Variants in FRYL observed in about 807,000 individuals in gnomAD.
FRYL encodes the protein FRY like transcription coactivator.
FRYL carries 150 observed loss-of-function variants against 351.2 expected under a neutral mutation model. The observed-to-expected ratio is 0.43, with a 90% CI of 0.37 to 0.49. The LOEUF (loss-of-function observed/expected upper bound fraction) is 0.49, where lower values mean the gene tolerates loss of function less well. Among genes scored for constraint, FRYL ranks in the 20% least tolerant of loss-of-function variants. FRYL has a pLI of 0.00. For synonymous variants in FRYL, 1,153 were observed against 1,257.1 expected (o/e 0.92, Z 1.75); for missense variants, 3,036 against 3,619.3 (o/e 0.84, Z 4.13).
chr4:48,499,481 A>C lies in FRYL; in HGVS notation c.8983T>G (p.Ser2995Ala), dbSNP rs1301442767. The change falls in exon 64 of 64, where the codon TCA (serine) becomes GCA (alanine). Residue 2995 changes from serine (S) to alanine (A), a missense_variant. Transcript: ENST00000358350. ...EIRESLRMVQ[S>A]YQLLAQAKPM... ...TTGGCCTGTGCTAGAAGTTGGTATG[A>C]TTGCACCATGCGTAGAGACTCTCTT... The C allele has an allele frequency of 1.9e-6, 3 of 1,613,722 alleles. No individual in the cohort carries two copies. Among genetic ancestry groups the C allele is most frequent in the Non-Finnish European group, 2.5e-6 (3 of 1,179,766 alleles).
chr4:48,759,227 T>C (rs370201798), intron 1 of FRYL, among the ~76,000 whole-genome samples: 1 of 151,852 alleles, frequency 6.6e-6, no homozygotes, highest in Non-Finnish European at 1.5e-5. Context: ...ACTTAAAGTA[T>C]AATAATAATA....
chr4:48,599,834 G>A (rs1216570243), intron 13 of FRYL, among the ~76,000 whole-genome samples: 4 of 152,160 alleles, frequency 2.6e-5, no homozygotes, highest in African/African-American at 7.2e-5. Flanking sequence ...TAGGCTGGGA[G>A]CAGTGGTTCA....
chr4:48,691,523 CG>C (rs1344110344), intron 2 of FRYL, among the ~76,000 whole-genome samples: 1 of 152,140 alleles, frequency 6.6e-6, no homozygotes, highest in African/African-American at 2.4e-5. Context: ...ATTCAATCTC[CG>C]TTTCCTCATC....
At chr4:48,671,620 T>C (rs1391009418) in intron 3 of FRYL, among the ~76,000 whole-genome samples, 3 of 151,804 alleles carry the variant, frequency 2.0e-5, no homozygotes, top group African/African-American at 4.8e-5. Flanking sequence ...TGAGCCGAGA[T>C]TGCACCATTG....
chr4:48,749,893 G>A (rs1417734616), intron 1 of FRYL, among the ~76,000 whole-genome samples: 4 of 152,138 alleles, frequency 2.6e-5, no homozygotes, highest in African/African-American at 4.8e-5. Context: ...AGTACTTTGG[G>A]AGGTCAAAGC....
At chr4:48,722,378 T>C (rs1442484010) in intron 1 of FRYL, among the ~76,000 whole-genome samples, 1 of 152,212 alleles carries the variant, frequency 6.6e-6, no homozygotes, top group Non-Finnish European at 1.5e-5. Flanking sequence ...TCTGTTAACA[T>C]TTGTTAAAAC....
chr4:48,639,105 TA>T (rs200307082), intron 3 of FRYL, among the ~76,000 whole-genome samples: 5 of 148,444 alleles, frequency 3.4e-5, no homozygotes, highest in African/African-American at 7.4e-5. Flanking sequence ...TAAAGTATAA[TA>T]AAAAAAAAAT....
intron 49 of FRYL, 93 bp from the exon 50 acceptor site, chr4:48,531,446 C>A: frequency 1.3e-6 from 1 of 749,982 alleles, no homozygotes; most frequent in Non-Finnish European, 2.2e-6. Context: ...ATTATTTCTA[C>A]AAAAATACTT....
At chr4:48,541,622 T>C (rs563674343) in intron 45 of FRYL, among the ~76,000 whole-genome samples, 1 of 152,294 alleles carries the variant, frequency 6.6e-6, no homozygotes, top group South Asian at 2.1e-4. Flanking sequence ...AAGTGACATT[T>C]GGGATGGGAC....
chr4:48,503,662 C>T (rs565714548), intron 60 of FRYL, among the ~76,000 whole-genome samples: 1 of 152,146 alleles, frequency 6.6e-6, no homozygotes, highest in Non-Finnish European at 1.5e-5. Flanking sequence ...ATTCTTAAGC[C>T]TGCTTTTCTA....
At chr4:48,769,816 C>A (rs1313853673) in intron 1 of FRYL, among the ~76,000 whole-genome samples, 39 of 152,250 alleles carry the variant, frequency 2.6e-4, no homozygotes, top group Admixed American at 2.6e-3. Flanking sequence ...GTGAAAAAGT[C>A]AATCGCAAAA....
At chr4:48,586,578 C>G in intron 19 of FRYL, 43 bp downstream of exon 19, 1 of 1,255,184 alleles carries the variant, frequency 8.0e-7, no homozygotes, top group Non-Finnish European at 1.2e-6. Context: ...TATAAAGGAG[C>G]AGAAGACATA....
rs761333905 is a variant in FRYL, at chr4:48,540,337, A to G, written c.6295+16T>C. The stretch of plus-strand genomic sequence containing the variant: ...GCATAAAATGCAAAGTGCTGGTGCA[A>G]TTATATTAACATCACCTGACAATTG... On this transcript the variant is annotated intron_variant, in intron 46 of 63. Transcript: ENST00000358350. 10 of 1,604,058 alleles carry G rather than the reference A, an allele frequency of 6.2e-6. No individual in the cohort carries two copies. The South Asian group carries it at 1.1e-4, about 18-fold the overall frequency.
intron 3 of FRYL, among the ~76,000 whole-genome samples, chr4:48,653,547 C>T (rs1412929026): frequency 6.6e-6 from 1 of 152,102 alleles, no homozygotes; most frequent in East Asian, 1.9e-4. Flanking sequence ...CTGATGTGTG[C>T]ATGTCTAGAT....
At chr4:48,587,156 T>G (rs1209777207) in intron 18 of FRYL, among the ~76,000 whole-genome samples, 1 of 152,096 alleles carries the variant, frequency 6.6e-6, no homozygotes, top group Non-Finnish European at 1.5e-5. Flanking sequence ...TTGTTTTCAC[T>G]TAGTATCTTC....
intron 3 of FRYL, among the ~76,000 whole-genome samples, chr4:48,654,831 G>C (rs182285817): frequency 4.8e-4 from 73 of 152,284 alleles, no homozygotes; most frequent in Non-Finnish European, 9.1e-4. Context: ...CAAAACAGTA[G>C]AAAAAATTCA....
intron 3 of FRYL, among the ~76,000 whole-genome samples, chr4:48,636,202 C>A (rs974700217): frequency 3.9e-5 from 6 of 151,958 alleles, no homozygotes; most frequent in African/African-American, 1.2e-4. Flanking sequence ...TTTCATGATC[C>A]AACATTGTGT....
At position 48,512,628 on chromosome 4, in the gene FRYL, T is replaced by A; in HGVS notation, c.7998A>T (p.Pro2666=). 1.2e-6 allele frequency: 2 copies of A among 1,614,000 alleles called. No homozygotes were observed. The highest frequency in any genetic ancestry group is 1.7e-6 in the Non-Finnish European group (2 of 1,179,956). The change falls in exon 57 of 64, where the codon CCA becomes CCT. Residue 2666 remains proline (P), a synonymous_variant. Coordinates refer to ENST00000358350, the MANE Select transcript of FRYL (RefSeq NM_015030.2). ...AGGCGGCTATGATGGCAGAAAGAAATGGTGACGGCAGAGGCGACGTCTGTA... is the reference window on the plus strand; with the variant it reads ...AGGCGGCTATGATGGCAGAAAGAAAAGGTGACGGCAGAGGCGACGTCTGTA... The part of the protein sequence containing the change: ...PEVQTSPLPS[P]FLSAIIAAFQ...
intron 13 of FRYL, among the ~76,000 whole-genome samples, 190 bp downstream of exon 13, chr4:48,601,830 A>C (rs1239405215): frequency 2.0e-5 from 3 of 152,196 alleles, no homozygotes; most frequent in Non-Finnish European, 2.9e-5. Context: ...TTCAATCAAA[A>C]GTTTACTCAT....
Sources: allele counts gnomAD v4.1 joint callset (sites outside exome capture counted in the v4.1 genomes callset), GRCh38; gene constraint gnomAD v4.1.1; transcripts MANE v1.5; gene names NCBI Gene and HGNC (gene_info 2026-07-23, HGNC 2026-07-21).